ARSG: variants seen among roughly 807,000 people sequenced by gnomAD.
ARSG encodes ASG.
A neutral mutation model predicts 50.5 loss-of-function variants in ARSG; 37 were observed. That is an observed-to-expected ratio of 0.73 (90% confidence interval 0.56 to 0.96). The LOEUF is 0.96. ARSG is among the 50% of genes least tolerant of loss of function. ARSG has a pLI of 0.00. For synonymous variants in ARSG, 225 were observed against 254.6 expected (o/e 0.88, Z 1.11); for missense variants, 629 against 675.3 (o/e 0.93, Z 0.76).
At chr17:68,441,149 AT>A in the ARSG span, 1 of 152,170 alleles carries the variant, frequency 6.6e-6, no homozygotes, top group African/African-American at 2.4e-5. Context: ...TTTCATGGAG[AT>A]TTCCACCCTT....
In ARSG at chr17:68,384,855, A is replaced by G. The variant is rs1011286216; in HGVS notation, c.983-209A>G. On this transcript the variant is annotated intron_variant, in intron 8 of 11. Transcript: ENST00000621439. Reference sequence around the variant, plus strand: ...TGAGGTGATTCAGTAGAGTGAGGCAACTTTTTACATCTGAAGTCCAGTAAA... The same window carrying G: ...TGAGGTGATTCAGTAGAGTGAGGCAGCTTTTTACATCTGAAGTCCAGTAAA... Among the ~76,000 whole-genome samples the G allele has an allele frequency of 1.2e-4, 18 of 152,206 alleles. 1 individual carries two copies. Among genetic ancestry groups the G allele is most frequent in the Non-Finnish European group, 1.5e-5 (1 of 68,028 alleles).
chr17:68,259,380 C>T (rs2075038937), exon 1 of ARSG: 1 of 152,218 alleles, frequency 6.6e-6, no homozygotes, highest in Admixed American at 6.5e-5. Flanking sequence ...GTGTGCCGCG[C>T]TCTGGGCACA....
At chr17:68,265,791 A>T (rs1302079476) in intron 1 of ARSG, among the ~76,000 whole-genome samples, 2 of 151,904 alleles carry the variant, frequency 1.3e-5, no homozygotes, top group Non-Finnish European at 2.9e-5. Context: ...ATTGAAAAAA[A>T]ATATATTTCC....
At chr17:68,292,198 G>A (rs2145259141) in intron 1 of ARSG, among the ~76,000 whole-genome samples, 1 of 152,108 alleles carries the variant, frequency 6.6e-6, no homozygotes, top group African/African-American at 2.4e-5. Flanking sequence ...AATGTGAGCA[G>A]CCGGGCTGAG....
At chr17:68,431,737 G>A in the ARSG span, among the ~76,000 whole-genome samples, 9 of 152,284 alleles carry the variant, frequency 5.9e-5, no homozygotes, top group African/African-American at 1.7e-4. Flanking sequence ...CGTGTGAGCC[G>A]TAACCGCCGG....
chr17:68,332,434 G>A (rs1047552181), intron 2 of ARSG, among the ~76,000 whole-genome samples: 8 of 152,166 alleles, frequency 5.3e-5, no homozygotes, highest in East Asian at 3.9e-4. Context: ...GTCCTGAGGC[G>A]ACATTCATCC....
intron 6 of ARSG, among the ~76,000 whole-genome samples, chr17:68,361,107 G>A (rs954794154): frequency 2.6e-5 from 4 of 152,286 alleles, no homozygotes; most frequent in Middle Eastern, 6.8e-3. Context: ...TTACGGGTGT[G>A]AGCTACCGTG....
chr17:68,433,780 T>TG, the ARSG span, among the ~76,000 whole-genome samples: 3 of 126,078 alleles, frequency 2.4e-5, no homozygotes, highest in African/African-American at 9.5e-5. Flanking sequence ...TTTTTTTTTT[T>TG]TTTTTTTTTT....
At chr17:68,276,523 A>G (rs947998400) in intron 1 of ARSG, among the ~76,000 whole-genome samples, 9 of 151,872 alleles carry the variant, frequency 5.9e-5, no homozygotes, top group Non-Finnish European at 1.0e-4. Flanking sequence ...ATCATGGCTC[A>G]CTGCAGCCTT....
At chr17:68,315,194 G>C (rs1297620853) in intron 2 of ARSG, among the ~76,000 whole-genome samples, 2 of 152,130 alleles carry the variant, frequency 1.3e-5, no homozygotes, top group Non-Finnish European at 2.9e-5. Flanking sequence ...GGCAGAACTG[G>C]GGAATCAGCA....
chr17:68,434,645 G>A, the ARSG span: 2 of 1,613,358 alleles, frequency 1.2e-6, no homozygotes, highest in Non-Finnish European at 8.5e-7. Context: ...GAAAGCAGGT[G>A]GACATTTCAT....
chr17:68,396,351 T>C (rs2081249784), intron 10 of ARSG, among the ~76,000 whole-genome samples: 2 of 152,170 alleles, frequency 1.3e-5, no homozygotes, highest in African/African-American at 4.8e-5. Flanking sequence ...ACCTTGGCAA[T>C]GGCTCTGGGC....
At chr17:68,266,368 A>AGTATATATAT (rs1305375015) in intron 1 of ARSG, among the ~76,000 whole-genome samples, 1 of 125,958 alleles carries the variant, frequency 7.9e-6, no homozygotes, top group Non-Finnish European at 1.7e-5. Flanking sequence ...CAATGATCAA[A>AGTATATATAT]GTATATATAT....
chr17:68,333,347 G>C (rs2077864245), intron 2 of ARSG, among the ~76,000 whole-genome samples: 1 of 150,768 alleles, frequency 6.6e-6, no homozygotes, highest in African/African-American at 2.4e-5. Context: ...GTAATAAGAG[G>C]CCGGGCGTGG....
chr17:68,390,361 G>A (rs2080936923), intron 9 of ARSG, among the ~76,000 whole-genome samples: 1 of 152,018 alleles, frequency 6.6e-6, no homozygotes. Context: ...TCAGAGCCTG[G>A]GGTGACCAGA....
chr17:68,380,447 T>C (rs8082118), intron 8 of ARSG, among the ~76,000 whole-genome samples: 233 of 152,166 alleles, frequency 1.5e-3, no homozygotes, highest in African/African-American at 5.4e-3. Context: ...TTTATTTATT[T>C]AGTAGAGACA....
At chr17:68,304,134 G>A (rs1480169478) in intron 1 of ARSG, among the ~76,000 whole-genome samples, 1 of 152,200 alleles carries the variant, frequency 6.6e-6, no homozygotes, top group Non-Finnish European at 1.5e-5. Context: ...TTATTGACCA[G>A]GCATGAGGCC....
chr17:68,390,927 CT>C (rs34688174), intron 9 of ARSG, among the ~76,000 whole-genome samples: 180 of 141,142 alleles, frequency 1.3e-3, no homozygotes, highest in Non-Finnish European at 1.5e-3. Context: ...GTGCCCGGTC[CT>C]TTTTTTTTTT....
At chr17:68,292,927 A>G (rs782422330) in intron 1 of ARSG, among the ~76,000 whole-genome samples, 5 of 152,180 alleles carry the variant, frequency 3.3e-5, no homozygotes, top group Non-Finnish European at 5.9e-5. Flanking sequence ...TAAAATGGGG[A>G]TGGAGGTGGT....
Sources: allele counts gnomAD v4.1 joint callset (sites outside exome capture counted in the v4.1 genomes callset), GRCh38; gene constraint gnomAD v4.1.1; transcripts MANE v1.5; gene names NCBI Gene and HGNC (gene_info 2026-07-23, HGNC 2026-07-21).